PPEF1: variants seen among roughly 807,000 people sequenced by gnomAD.
PPEF1 encodes the protein serine/threonine-protein phosphatase with EF-hands 1.
PPEF1 carries 12 observed loss-of-function variants against 53.3 expected under a neutral mutation model. That is an observed-to-expected ratio of 0.23 (90% confidence interval 0.14 to 0.36). The LOEUF is 0.36. Ranked by LOEUF, PPEF1 falls within the 10% of genes least tolerant of loss-of-function variation. PPEF1 has a pLI of 1.00. For missense variants in PPEF1, 334 were observed against 490.4 expected (o/e 0.68, Z 3.01); for synonymous variants, 165 against 176.7 (o/e 0.93, Z 0.52).
upstream of PPEF1, among the ~76,000 whole-genome samples, chrX:18,706,909 A>C (rs1479358910): frequency 3.2e-5 from 3 of 93,451 alleles, no homozygotes; most frequent in Admixed American, 1.3e-4. Context: ...GCTCACTGCA[A>C]CCTCCGCCTC....
At chrX:18,758,319 T>A (rs747602205) in intron 5 of PPEF1, among the ~76,000 whole-genome samples, 9 of 112,238 alleles carry the variant, frequency 8.0e-5, no homozygotes, top group Non-Finnish European at 1.7e-4. Flanking sequence ...TCCTCACAGT[T>A]GGTGCTCAGC....
intron 10 of PPEF1, among the ~76,000 whole-genome samples, chrX:18,798,784 C>T (rs1411764860): frequency 2.7e-5 from 3 of 111,069 alleles, no homozygotes; most frequent in East Asian, 2.9e-4. Flanking sequence ...CCACCACGTC[C>T]GGCTAATTTT....
intron 4 of PPEF1, among the ~76,000 whole-genome samples, chrX:18,753,563 C>CTTTT (rs1380163223): frequency 1.8e-5 from 2 of 111,581 alleles, no homozygotes; most frequent in Admixed American, 9.6e-5. Flanking sequence ...TGAGATCCTT[C>CTTTT]TTTTTTAATG....
At chrX:18,761,403 A>T in intron 5 of PPEF1, 127 bp from the exon 6 acceptor site, 1 of 571,052 alleles carries the variant, frequency 1.8e-6, no homozygotes, top group African/African-American at 2.2e-5. Context: ...CTGTCAAATT[A>T]ACATCGTCAT....
intron 10 of PPEF1, among the ~76,000 whole-genome samples, chrX:18,802,110 G>A (rs889219275): frequency 1.4e-4 from 16 of 111,192 alleles, no homozygotes; most frequent in Non-Finnish European, 5.7e-5. Context: ...CTGTTGCCGA[G>A]GCCACAGTGC....
intron 10 of PPEF1, among the ~76,000 whole-genome samples, chrX:18,793,780 C>T (rs2046370160): frequency 9.6e-6 from 1 of 104,351 alleles, no homozygotes; most frequent in Non-Finnish European, 1.9e-5. Context: ...TAGTTATTCC[C>T]ATGCCCCTCT....
At chrX:18,807,129 A>C (rs965906859) in intron 12 of PPEF1, among the ~76,000 whole-genome samples, 8 of 110,645 alleles carry the variant, frequency 7.2e-5, no homozygotes, top group Non-Finnish European at 1.5e-4. Context: ...TCCCAGGTTC[A>C]AGCTGTTCTC....
At chrX:18,738,263 C>T (rs1044890989) in intron 3 of PPEF1, among the ~76,000 whole-genome samples, 7 of 111,632 alleles carry the variant, frequency 6.3e-5, no homozygotes, top group African/African-American at 2.0e-4. Flanking sequence ...TGGCTGGTAC[C>T]AGTTGTTCCT....
chrX:18,685,084 C>T (rs1169288490), intron 2 of PPEF1, among the ~76,000 whole-genome samples: 1 of 112,340 alleles, frequency 8.9e-6, no homozygotes, highest in Non-Finnish European at 1.9e-5. Context: ...GGGTTACTCC[C>T]TCGACTCCCA....
At chrX:18,752,835 A>G (rs1189483993) in intron 4 of PPEF1, among the ~76,000 whole-genome samples, 1 of 108,361 alleles carries the variant, frequency 9.2e-6, no homozygotes, top group Non-Finnish European at 1.9e-5. Context: ...CCAACTTTGT[A>G]TTTCTGGGAT....
intron 11 of PPEF1, 98 bp from the exon 12 acceptor site, chrX:18,806,305 G>T: frequency 1.1e-6 from 1 of 926,831 alleles, no homozygotes; most frequent in South Asian, 2.4e-5. Flanking sequence ...AACCTTCTTT[G>T]ATTTTTGCTT....
chrX:18,809,504 G>A (rs765990453), intron 12 of PPEF1, among the ~76,000 whole-genome samples: 1 of 110,269 alleles, frequency 9.1e-6, no homozygotes, highest in South Asian at 3.9e-4. Context: ...CCAGGAGTTC[G>A]TGACTAGCTG....
chrX:18,747,187 G>C (rs777099288), intron 3 of PPEF1, among the ~76,000 whole-genome samples: 5 of 111,600 alleles, frequency 4.5e-5, no homozygotes, highest in African/African-American at 1.6e-4. Context: ...TCGCCAGTGT[G>C]GGGGAGATGC....
At chrX:18,717,113 A>C (rs2044476476) in intron 1 of PPEF1, among the ~76,000 whole-genome samples, 1 of 99,273 alleles carries the variant, frequency 1.0e-5, no homozygotes, top group Non-Finnish European at 2.0e-5. Flanking sequence ...TTTTTTCTCA[A>C]GCCATTTTGT....
At chrX:18,793,197 G>T (rs1272603727) in intron 10 of PPEF1, among the ~76,000 whole-genome samples, 13 of 108,639 alleles carry the variant, frequency 1.2e-4, no homozygotes, top group Admixed American at 1.0e-4. Flanking sequence ...CATCCCTTAA[G>T]TTTGCTATGT....
Position 18,733,774 on chromosome X carries a change from G to T in PPEF1, c.201G>T (p.Leu67Phe). The change falls in exon 3 of 16, where the codon TTG (leucine) becomes TTT (phenylalanine). Residue 67 changes from leucine (L) to phenylalanine (F), a missense_variant. Physicochemically the swap from Leu to Phe is conservative, Grantham distance 22. Transcript: ENST00000470157. The stretch of plus-strand genomic sequence containing the variant: ...TATCCACCTTCTTTTCCTTCATGTT[G>T]GAAAACTACACACATATACATAAGG... ...MQLSTFFSFM[L>F]ENYTHIHKEE... 1 of 1,192,288 alleles carries T rather than the reference G, an allele frequency of 8.4e-7. No individual in the cohort carries two copies. Among genetic ancestry groups the T allele is most frequent in the Non-Finnish European group, 1.1e-6 (1 of 885,943 alleles).
intron 13 of PPEF1, among the ~76,000 whole-genome samples, chrX:18,821,758 C>CGAGAGAGAGAGAGAGAGA (rs754652406): frequency 8.7e-4 from 25 of 28,661 alleles, no homozygotes; most frequent in Admixed American, 2.0e-3. Flanking sequence ...GAAACCATGG[C>CGAGAGAGAGAGAGAGAGA]GAGAGAGAGA....
intron 10 of PPEF1, among the ~76,000 whole-genome samples, chrX:18,794,415 C>A (rs2046388106): frequency 8.8e-6 from 1 of 113,060 alleles, no homozygotes; most frequent in African/African-American, 3.2e-5. Flanking sequence ...GTGCTCTGTT[C>A]TTGACCTGCC....
intron 1 of PPEF1, among the ~76,000 whole-genome samples, chrX:18,727,804 G>A (rs752599473): frequency 3.6e-5 from 4 of 111,193 alleles, no homozygotes; most frequent in Admixed American, 9.6e-5. Context: ...ACAAAACTCA[G>A]GGAAACACTT....
Sources: gnomAD v4.1 joint callset for allele counts (sites outside exome capture counted in the v4.1 genomes callset) on GRCh38, gnomAD v4.1.1 for gene constraint, MANE v1.5 for transcripts, NCBI Gene and HGNC (gene_info 2026-07-23, HGNC 2026-07-21) for gene names.